Variants in IRF2 observed in about 807,000 individuals in gnomAD.
The protein encoded by IRF2 is interferon regulatory factor 2.
Under a neutral mutation model 40.6 loss-of-function variants are expected in IRF2, and 15 were observed. That is an observed-to-expected ratio of 0.37 (90% CI 0.25 to 0.57). IRF2 has a LOEUF of 0.57. IRF2 is among the 20% of genes least tolerant of loss of function. The pLI is 0.77. For missense variants in IRF2, 317 were observed against 455.7 expected (o/e 0.70, Z 2.77); for synonymous variants, 151 against 165.5 (o/e 0.91, Z 0.67).
intron 7 of IRF2, among the ~76,000 whole-genome samples, chr4:184,395,182 C>T (rs1298459370): frequency 6.6e-6 from 1 of 151,906 alleles, no homozygotes; most frequent in Admixed American, 6.6e-5. Flanking sequence ...GAGGCCGAAG[C>T]GGGTGGATCA....
At position 184,408,187 on chromosome 4, in the gene IRF2, T is replaced by C. The variant is rs748655801; in HGVS notation, c.500A>G (p.Asn167Ser). 2.5e-6 allele frequency: 4 copies of C among 1,608,798 alleles called. No homozygotes were observed. The East Asian group carries it at 8.9e-5, about 36-fold the overall frequency. ...GATGTTCACCGTACTATCCACTTCA[T>C]TTTTTATAGTTGAAGTCAGGACCGC... ...EYAVLTSTIK[N>S]EVDSTVNIIV... The change falls in exon 6 of 9, where the codon AAT (asparagine) becomes AGT (serine). Residue 167 changes from asparagine (N) to serine (S), a missense_variant. By Grantham distance (46) the Asn-to-Ser change is conservative. Transcript: ENST00000393593. This position sits in a 1 kb window ranked among gnomAD's most constrained non-coding sequence, Gnocchi z 4.9.
intron 1 of IRF2, among the ~76,000 whole-genome samples, chr4:184,451,478 C>T (rs1434349241): frequency 2.6e-5 from 4 of 152,088 alleles, no homozygotes; most frequent in Non-Finnish European, 4.4e-5. Context: ...CCCATGGGGT[C>T]GTTCTCATTA....
intron 1 of IRF2, among the ~76,000 whole-genome samples, chr4:184,466,456 T>C (rs184833128): frequency 1.1e-4 from 16 of 152,340 alleles, no homozygotes; most frequent in Admixed American, 1.0e-3. Flanking sequence ...GATTTATCAT[T>C]ACAAATTACA....
intron 5 of IRF2, among the ~76,000 whole-genome samples, chr4:184,416,328 C>CAAAAAAAAAAAAAAAAAAAAAAAAAA (rs35274774): frequency 1.0e-5 from 1 of 100,174 alleles, no homozygotes; most frequent in Non-Finnish European, 2.0e-5. Context: ...AAAAAAAAAA[C>CAAAAAAAAAAAAAAAAAAAAAAAAAA]AAAAAAAAAA....
chr4:184,428,861 T>G (rs1230437571), intron 2 of IRF2, 117 bp downstream of exon 2: 2 of 860,718 alleles, frequency 2.3e-6, no homozygotes. Flanking sequence ...GGTTGGCTGG[T>G]TTTTGTCATG....
At chr4:184,421,878 G>T (rs1737495399) in intron 2 of IRF2, among the ~76,000 whole-genome samples, 1 of 152,156 alleles carries the variant, frequency 6.6e-6, no homozygotes, top group African/African-American at 2.4e-5. Context: ...TCAGGTGTTT[G>T]TCCCCTCAAA....
chr4:184,441,253 A>G (rs1738293157), intron 1 of IRF2, among the ~76,000 whole-genome samples: 1 of 152,238 alleles, frequency 6.6e-6, no homozygotes, highest in South Asian at 2.1e-4. Context: ...AGCACTATCC[A>G]GTAGACATTT....
rs70959195 is a variant in IRF2 at position 184,419,571 on chromosome 4, G to GA, written c.88-4dup. 0.14 allele frequency: 121,129 copies of GA among 891,874 alleles called. 1,555 individuals are homozygous for GA. The highest frequency in any genetic ancestry group is 0.14 in the Non-Finnish European group (85,030 of 607,182). The allele number at this position is 891,874 out of a possible 1,614,324, so 55.2% of individuals were successfully genotyped here. On this transcript the variant is annotated splice_polypyrimidine_tract_variant and splice_region_variant and intron_variant, in intron 2 of 8. Transcript: ENST00000393593. The stretch of plus-strand genomic sequence containing the variant: ...GGGATCTGAAAAATCTTCTTTTCCT[G>GA]AAAAAAAAAAAAAAAAAAAAGGTAA...
intron 8 of IRF2, among the ~76,000 whole-genome samples, chr4:184,389,541 A>G (rs192092981): frequency 6.6e-6 from 1 of 152,228 alleles, no homozygotes; most frequent in East Asian, 1.9e-4. Flanking sequence ...ACATCCCTCA[A>G]CTGAAATCTA....
intron 1 of IRF2, among the ~76,000 whole-genome samples, chr4:184,442,300 C>A (rs2149909541): frequency 6.6e-6 from 1 of 152,270 alleles, no homozygotes; most frequent in Non-Finnish European, 1.5e-5. Flanking sequence ...AGATACTCGC[C>A]CTCTCTCCAC....
At chr4:184,455,101 G>T (rs1738864186) in intron 1 of IRF2, among the ~76,000 whole-genome samples, 1 of 151,926 alleles carries the variant, frequency 6.6e-6, no homozygotes, top group Admixed American at 6.6e-5. Flanking sequence ...TCCTTCCATG[G>T]TTCCACAACG....
At chr4:184,444,156 G>A (rs537271122) in intron 1 of IRF2, among the ~76,000 whole-genome samples, 90 of 152,304 alleles carry the variant, frequency 5.9e-4, no homozygotes, top group Non-Finnish European at 1.1e-3. Flanking sequence ...GCCAGCCTTG[G>A]CTAGTGACGC....
At chr4:184,394,319 C>A (rs549635842) in intron 7 of IRF2, among the ~76,000 whole-genome samples, 16 of 152,294 alleles carry the variant, frequency 1.1e-4, no homozygotes, top group Admixed American at 6.5e-4. Flanking sequence ...TTTTTAACGC[C>A]TCGCTGAGGA....
At chr4:184,473,339 G>T (rs1030638105) in intron 1 of IRF2, among the ~76,000 whole-genome samples, 19 of 148,964 alleles carry the variant, frequency 1.3e-4, no homozygotes, top group Non-Finnish European at 1.9e-4. Context: ...CACCTCGCCC[G>T]CTCCGTAGCC....
At chr4:184,411,427 C>T (rs535056365) in intron 5 of IRF2, among the ~76,000 whole-genome samples, 12 of 152,234 alleles carry the variant, frequency 7.9e-5, no homozygotes, top group South Asian at 4.2e-4. Context: ...TATATTCCAC[C>T]GATGGAGGCT....
intron 2 of IRF2, among the ~76,000 whole-genome samples, chr4:184,425,666 G>A (rs1737642021): frequency 1.3e-5 from 2 of 152,232 alleles, no homozygotes; most frequent in African/African-American, 2.4e-5. Flanking sequence ...GAGAACTCTC[G>A]AGCCAAGAGC....
At chr4:184,396,190 G>C (rs147173960) in intron 7 of IRF2, among the ~76,000 whole-genome samples, 147 of 152,306 alleles carry the variant, frequency 9.7e-4, no homozygotes, top group African/African-American at 3.3e-3. Flanking sequence ...TAAAATTTAG[G>C]CATAAACATT....
At chr4:184,396,471 T>G (rs1029368169) in intron 7 of IRF2, among the ~76,000 whole-genome samples, 5 of 151,272 alleles carry the variant, frequency 3.3e-5, no homozygotes, top group African/African-American at 1.2e-4. Context: ...TCTCGCTCTG[T>G]CACCCAGGCT....
intron 1 of IRF2, among the ~76,000 whole-genome samples, chr4:184,468,062 G>A (rs1312790982): frequency 6.6e-6 from 1 of 152,104 alleles, no homozygotes; most frequent in Non-Finnish European, 1.5e-5. Context: ...TATCAGAAGG[G>A]AATACTAAAC....
Sources: gnomAD v4.1 joint callset for allele counts (sites outside exome capture counted in the v4.1 genomes callset) on GRCh38, gnomAD v4.1.1 for gene constraint, Gnocchi (gnomAD v3.1) non-coding constraint, MANE v1.5 for transcripts, NCBI Gene and HGNC (gene_info 2026-07-23, HGNC 2026-07-21) for gene names.